Variants in ROBO2 observed in about 807,000 individuals in gnomAD.
ROBO2 encodes roundabout guidance receptor 2, also known as roundabout homolog 2.
Under a neutral mutation model 160.8 loss-of-function variants are expected in ROBO2, and 53 were observed. That is an observed-to-expected ratio of 0.33 (90% CI 0.26 to 0.41). The LOEUF is 0.41. ROBO2 is among the 10% of genes least tolerant of loss of function. The probability of loss-of-function intolerance (pLI) is 1.00; values close to 1 mark genes in which losing one functional copy is unlikely to be tolerated. For synonymous variants in ROBO2, 664 were observed against 611.7 expected (o/e 1.09, Z -1.26); for missense variants, 1,577 against 1,722.4 (o/e 0.92, Z 1.49).
At chr3:76,153,349 C>G (rs1431256863) in intron 2 of ROBO2, among the ~76,000 whole-genome samples, 1 of 152,106 alleles carries the variant, frequency 6.6e-6, no homozygotes, top group Non-Finnish European at 1.5e-5. Context: ...TTCATACCAG[C>G]AGAAATGACT....
intron 18 of ROBO2, among the ~76,000 whole-genome samples, 156 bp downstream of exon 19, chr3:77,595,340 T>C (rs942908050): frequency 6.6e-6 from 1 of 152,198 alleles, no homozygotes; most frequent in Non-Finnish European, 1.5e-5. Flanking sequence ...ATGATCTATC[T>C]GTTGTGCACT....
intron 2 of ROBO2, among the ~76,000 whole-genome samples, chr3:76,574,107 T>C (rs564078519): frequency 6.6e-6 from 1 of 152,250 alleles, no homozygotes; most frequent in South Asian, 2.1e-4. Context: ...TTTTCCGTCC[T>C]GTGCTTTTCC....
At chr3:77,185,099 T>C (rs2081161317) in intron 2 of ROBO2, among the ~76,000 whole-genome samples, 1 of 152,028 alleles carries the variant, frequency 6.6e-6, no homozygotes, top group Non-Finnish European at 1.5e-5. Flanking sequence ...AACAGAATTG[T>C]CAAATATGAT....
At chr3:77,336,684 G>GATAC (rs2066530567) in intron 2 of ROBO2, among the ~76,000 whole-genome samples, 7 of 152,156 alleles carry the variant, frequency 4.6e-5, no homozygotes, top group Admixed American at 3.9e-4. Context: ...GATAAAAGCA[G>GATAC]ATACAACCTT....
chr3:77,240,897 A>G (rs966221525), intron 2 of ROBO2, among the ~76,000 whole-genome samples: 6 of 152,220 alleles, frequency 3.9e-5, no homozygotes, highest in African/African-American at 1.4e-4. Context: ...CATGAAAGTG[A>G]AAACACACAA....
intron 2 of ROBO2, among the ~76,000 whole-genome samples, chr3:76,934,959 A>AGTTTTTTT: frequency 6.8e-6 from 1 of 147,398 alleles, no homozygotes; most frequent in South Asian, 2.1e-4. Flanking sequence ...GGCTTCACAA[A>AGTTTTTTT]TTTTTTTTTT....
intron 2 of ROBO2, among the ~76,000 whole-genome samples, chr3:77,028,355 A>T (rs568453402): frequency 6.6e-6 from 1 of 152,196 alleles, no homozygotes; most frequent in African/African-American, 2.4e-5. Context: ...AGTTTTCTTC[A>T]TTCATAATGG....
At chr3:76,349,148 A>T (rs1229120146) in intron 2 of ROBO2, among the ~76,000 whole-genome samples, 1 of 152,308 alleles carries the variant, frequency 6.6e-6, no homozygotes, top group Admixed American at 6.5e-5. Context: ...AATTGAGCCT[A>T]AAGAAAGCCT....
At chr3:77,385,006 G>C (rs549294614) in intron 2 of ROBO2, among the ~76,000 whole-genome samples, 36 of 152,168 alleles carry the variant, frequency 2.4e-4, no homozygotes, top group African/African-American at 8.7e-4. Context: ...CAAATATGAA[G>C]GGTTTTTTGT....
At chr3:76,218,691 A>G (rs112882233) in intron 2 of ROBO2, among the ~76,000 whole-genome samples, 3 of 152,222 alleles carry the variant, frequency 2.0e-5, no homozygotes, top group African/African-American at 7.2e-5. Flanking sequence ...AGAACATTCC[A>G]TGCTCATGGG....
At chr3:77,349,380 A>G (rs1010286542) in intron 2 of ROBO2, among the ~76,000 whole-genome samples, 1 of 152,112 alleles carries the variant, frequency 6.6e-6, no homozygotes, top group Non-Finnish European at 1.5e-5. Flanking sequence ...CCATTCCACT[A>G]CAATAGGTGC....
At position 76,551,871 on chromosome 3, in the gene ROBO2, G is replaced by A. The variant is rs543246274; in HGVS notation, c.110-546143G>A. On this transcript the variant is annotated intron_variant, in intron 2 of 26. Coordinates refer to the ROBO2 transcript ENST00000487694. ...TGGCTGTGTGCAGTGTCTGGACCCCGTGCTTGCTCACCCACACATCCCTCA... is the reference window on the plus strand; with the variant it reads ...TGGCTGTGTGCAGTGTCTGGACCCCATGCTTGCTCACCCACACATCCCTCA... 4.0e-3 allele frequency among the ~76,000 whole-genome samples: 606 copies of A among 152,200 alleles called. 7 individuals carry two copies. The highest frequency in any genetic ancestry group is 0.014 in the African/African-American group (574 of 41,540).
intron 7 of ROBO2, among the ~76,000 whole-genome samples, chr3:77,547,274 TC>T (rs2092733990): frequency 6.6e-6 from 1 of 152,104 alleles, no homozygotes; most frequent in African/African-American, 2.4e-5. Flanking sequence ...AAATAATTTA[TC>T]TGTGCATTCC....
chr3:76,706,287 A>G (rs967892878), intron 2 of ROBO2, among the ~76,000 whole-genome samples: 1 of 152,090 alleles, frequency 6.6e-6, no homozygotes, highest in South Asian at 2.1e-4. Flanking sequence ...TCTTGCTTAC[A>G]GTTCCTTTGT....
At chr3:76,197,558 A>T (rs961245234) in intron 2 of ROBO2, among the ~76,000 whole-genome samples, 5 of 152,130 alleles carry the variant, frequency 3.3e-5, no homozygotes, top group Non-Finnish European at 7.3e-5. Context: ...TTAGATTTGG[A>T]TCTGGGACTG....
intron 2 of ROBO2, among the ~76,000 whole-genome samples, chr3:76,836,616 T>C (rs1166947): frequency 0.11 from 16,052 of 151,760 alleles, 921 homozygotes; most frequent in South Asian, 0.12. Flanking sequence ...CTAATTTCTC[T>C]TTTGATTTTT....
chr3:77,051,499 C>T (rs2065224346), intron 1 of ROBO2, among the ~76,000 whole-genome samples: 2 of 152,306 alleles, frequency 1.3e-5, no homozygotes, highest in African/African-American at 4.8e-5. Flanking sequence ...CTGTGATGTT[C>T]ATCACTTGGA....
rs1446196193 is a variant in ROBO2 at position 76,199,926 on chromosome 3, C to T, written c.109+262324C>T. On this transcript the variant is annotated intron_variant, in intron 2 of 26. Transcript: ENST00000487694. ...CTTAGCCAAATTCAAGTAATAGTGG[C>T]TGACTGTCTCTGTATAGCAAACTCT... 3.9e-5 allele frequency among the ~76,000 whole-genome samples: 6 copies of T among 152,256 alleles called. No homozygotes were observed. The East Asian group carries it at 5.8e-4, about 15-fold the overall frequency.
chr3:76,089,670 C>T (rs1449083640), intron 2 of ROBO2, among the ~76,000 whole-genome samples: 3 of 151,976 alleles, frequency 2.0e-5, no homozygotes, highest in African/African-American at 7.2e-5. Flanking sequence ...GAACAGAGAA[C>T]TTTTTCAAGT....
Sources: gnomAD v4.1 joint callset for allele counts (sites outside exome capture counted in the v4.1 genomes callset) on GRCh38, gnomAD v4.1.1 for gene constraint, MANE v1.5 for transcripts, NCBI Gene and HGNC (gene_info 2026-07-23, HGNC 2026-07-21) for gene names.